SRRM4: variants seen among roughly 807,000 people sequenced by gnomAD.
The protein encoded by SRRM4 is serine/arginine repetitive matrix protein 4.
Under a neutral mutation model 68.9 loss-of-function variants are expected in SRRM4, and 33 were observed. The observed-to-expected ratio is 0.48, with a 90% CI of 0.36 to 0.64. The LOEUF (loss-of-function observed/expected upper bound fraction) is 0.64. Ranked by LOEUF, SRRM4 falls within the 30% of genes least tolerant of loss-of-function variation. SRRM4 has a pLI of 0.00. For synonymous variants in SRRM4, 318 were observed against 318.8 expected, an observed-to-expected ratio of 1.00 and a Z score of 0.03; for missense variants, 817 against 827.1, an observed-to-expected ratio of 0.99 and a Z score of 0.15.
chr12:119,051,317 C>G (rs1439348898), intron 1 of SRRM4, among the ~76,000 whole-genome samples: 1 of 152,130 alleles, frequency 6.6e-6, no homozygotes, highest in Non-Finnish European at 1.5e-5. Flanking sequence ...CAACAGTTCA[C>G]AAAGTTGAGC....
intron 8 of SRRM4, among the ~76,000 whole-genome samples, chr12:119,136,095 A>G (rs561419142): frequency 4.3e-4 from 65 of 152,284 alleles, no homozygotes; most frequent in African/African-American, 1.5e-3. Context: ...ATTTTTTGTC[A>G]TCATAGCAGC....
At chr12:119,065,607 T>A (rs1241660382) in intron 1 of SRRM4, among the ~76,000 whole-genome samples, 1 of 152,082 alleles carries the variant, frequency 6.6e-6, no homozygotes, top group Non-Finnish European at 1.5e-5. Flanking sequence ...TGGTGGCAAG[T>A]GCCTGTAGTC....
chr12:119,034,244 C>T (rs989871474), intron 1 of SRRM4, among the ~76,000 whole-genome samples: 2 of 152,122 alleles, frequency 1.3e-5, no homozygotes, highest in Non-Finnish European at 2.9e-5. Flanking sequence ...GGTTTTATTC[C>T]CCACACCAAT....
chr12:119,048,335 T>C (rs1953720570), intron 1 of SRRM4, among the ~76,000 whole-genome samples: 1 of 152,208 alleles, frequency 6.6e-6, no homozygotes, highest in African/African-American at 2.4e-5. Flanking sequence ...CAGTGGCCTT[T>C]ACCTTTCTTC....
In SRRM4 at chr12:119,061,298, GA is replaced by G. The variant is rs200049155; in HGVS notation, c.132-40931del. On this transcript the variant is annotated intron_variant, in intron 1 of 12. Coordinates refer to ENST00000267260, the MANE Select transcript of SRRM4 (RefSeq NM_194286.4). ...GTGTCCTTGAGATGTGGTTAGAAAA[GA>G]AAAAAAGGTGTAGCCCTGCGTGTGC... Among the ~76,000 whole-genome samples, 1,367 of 152,204 alleles carry G rather than the reference GA, an allele frequency of 9.0e-3. 12 individuals carry two copies. The highest frequency in any genetic ancestry group is 0.019 in the African/African-American group (804 of 41,546).
At chr12:119,108,823 T>G (rs112598381) in intron 2 of SRRM4, among the ~76,000 whole-genome samples, 18 of 152,312 alleles carry the variant, frequency 1.2e-4, no homozygotes, top group Middle Eastern at 3.4e-3. Context: ...CATTTACATT[T>G]TAAGGTTAAT....
intron 1 of SRRM4, among the ~76,000 whole-genome samples, chr12:119,004,935 T>G (rs1297264439): frequency 1.3e-5 from 2 of 150,504 alleles, no homozygotes; most frequent in Non-Finnish European, 3.0e-5. Context: ...CCACTATTAT[T>G]TCACTGTATT....
At chr12:119,065,546 C>A (rs1953840423) in intron 1 of SRRM4, among the ~76,000 whole-genome samples, 1 of 152,114 alleles carries the variant, frequency 6.6e-6, no homozygotes, top group African/African-American at 2.4e-5. Context: ...ACCAGCCTGG[C>A]CAACATAGTG....
chr12:119,033,795 G>A (rs1158535093), intron 1 of SRRM4, among the ~76,000 whole-genome samples: 1 of 152,058 alleles, frequency 6.6e-6, no homozygotes, highest in Admixed American at 6.5e-5. Context: ...TTAACACTAT[G>A]AATTTTCTAC....
intron 1 of SRRM4, among the ~76,000 whole-genome samples, chr12:119,064,674 G>C (rs1229739657): frequency 6.6e-6 from 1 of 152,120 alleles, no homozygotes; most frequent in Non-Finnish European, 1.5e-5. Flanking sequence ...TTAAAGCTTA[G>C]GGGTTTGTCG....
intron 2 of SRRM4, among the ~76,000 whole-genome samples, chr12:119,104,758 GTAACTT>G (rs1381707275): frequency 7.7e-6 from 1 of 129,214 alleles, no homozygotes; most frequent in East Asian, 2.4e-4. Flanking sequence ...TACTGCATAT[GTAACTT>G]CTGCATATGT....
intron 1 of SRRM4, among the ~76,000 whole-genome samples, chr12:119,042,865 G>C (rs1953678421): frequency 6.6e-6 from 1 of 152,102 alleles, no homozygotes; most frequent in African/African-American, 2.4e-5. Flanking sequence ...GAGATCAAGA[G>C]AGGTGAGGGA....
chr12:118,986,546 C>T (rs1031601336), intron 1 of SRRM4, among the ~76,000 whole-genome samples: 30 of 152,178 alleles, frequency 2.0e-4, no homozygotes, highest in African/African-American at 7.0e-4. Flanking sequence ...TCTCTCCCCA[C>T]CCCACCTCCA....
At chr12:119,099,597 C>A (rs975471523) in intron 1 of SRRM4, among the ~76,000 whole-genome samples, 1 of 152,212 alleles carries the variant, frequency 6.6e-6, no homozygotes, top group Non-Finnish European at 1.5e-5. Context: ...TATTATGGTT[C>A]ATAGTTTCTG....
At chr12:118,997,752 A>T (rs370488376) in intron 1 of SRRM4, among the ~76,000 whole-genome samples, 6 of 152,320 alleles carry the variant, frequency 3.9e-5, no homozygotes, top group South Asian at 4.1e-4. Flanking sequence ...TCAATATCTC[A>T]AAATATTGTC....
chr12:119,085,701 G>A (rs1953975835), intron 1 of SRRM4, among the ~76,000 whole-genome samples: 1 of 152,188 alleles, frequency 6.6e-6, no homozygotes, highest in African/African-American at 2.4e-5. Context: ...CTCCTGCATG[G>A]ACATCAGGCT....
At chr12:119,128,055 G>T (rs1035179969) in intron 7 of SRRM4, among the ~76,000 whole-genome samples, 1 of 152,180 alleles carries the variant, frequency 6.6e-6, no homozygotes, top group South Asian at 2.1e-4. Flanking sequence ...CCCCCCAGGT[G>T]ATGTGTGGGA....
chr12:119,078,232 C>T (rs572297137), intron 1 of SRRM4, among the ~76,000 whole-genome samples: 1 of 152,194 alleles, frequency 6.6e-6, no homozygotes, highest in Non-Finnish European at 1.5e-5. Context: ...CTCTATTCAA[C>T]CCTTATGTCC....
At chr12:119,006,960 G>A (rs893762285) in intron 1 of SRRM4, among the ~76,000 whole-genome samples, 1 of 152,212 alleles carries the variant, frequency 6.6e-6, no homozygotes, top group Non-Finnish European at 1.5e-5. Flanking sequence ...GAGAAGGCAG[G>A]GCCTGCTTGG....
Sources: allele counts gnomAD v4.1 joint callset (sites outside exome capture counted in the v4.1 genomes callset), GRCh38; gene constraint gnomAD v4.1.1; transcripts MANE v1.5; gene names NCBI Gene and HGNC (gene_info 2026-07-23, HGNC 2026-07-21).